The following PLCH2 variants were observed in gnomAD, a reference collection of about 807,000 sequenced individuals.
The protein encoded by PLCH2 is 1-phosphatidylinositol 4,5-bisphosphate phosphodiesterase eta-2.
In PLCH2, 98 loss-of-function variants were observed where a neutral mutation model predicts 134.7. The observed-to-expected ratio is 0.73, with a 90% confidence interval of 0.62 to 0.86. The LOEUF (loss-of-function observed/expected upper bound fraction) is 0.86, where lower values mean the gene tolerates loss of function less well. Ranked by LOEUF, PLCH2 falls within the 40% of genes least tolerant of loss-of-function variation. The pLI is 0.00. For synonymous variants in PLCH2, 974 were observed against 827.5 expected, an observed-to-expected ratio of 1.18 and a Z score of -3.04; for missense variants, 1,994 against 1,986.6, an observed-to-expected ratio of 1.00 and a Z score of -0.07.
intron 2 of PLCH2, among the ~76,000 whole-genome samples, chr1:2,440,187 G>A (rs996468847): frequency 6.6e-6 from 1 of 152,176 alleles, no homozygotes; most frequent in Non-Finnish European, 1.5e-5. Flanking sequence ...TTGGAGTGAG[G>A]CCTGCAGGCC....
At chr1:2,479,482 C>T (rs745934925) in intron 2 of PLCH2, 2 of 445,900 alleles carry the variant, frequency 4.5e-6, no homozygotes, top group Non-Finnish European at 8.2e-6. Flanking sequence ...GAGGTGGATG[C>T]TCTCCCTCGT....
chr1:2,442,484 C>T (rs770996061), intron 2 of PLCH2, among the ~76,000 whole-genome samples: 6 of 152,232 alleles, frequency 3.9e-5, no homozygotes, highest in Non-Finnish European at 2.9e-5. Context: ...CATCTCGGGC[C>T]TCATCTCAGA....
intron 2 of PLCH2, among the ~76,000 whole-genome samples, chr1:2,434,533 G>A (rs571647690): frequency 9.8e-5 from 15 of 152,378 alleles, no homozygotes; most frequent in Non-Finnish European, 1.9e-4. Flanking sequence ...AGGTGCGGGC[G>A]GCACAAGCTC....
chr1:2,416,030 C>G, the PLCH2 span, among the ~76,000 whole-genome samples: 1 of 152,248 alleles, frequency 6.6e-6, no homozygotes, highest in Non-Finnish European at 1.5e-5. Flanking sequence ...TCCCCATCCC[C>G]CCACCAACAC....
Position 2,499,344 on chromosome 1 carries a change from AAG to A in PLCH2, c.2581+118_2581+119del. 4 of 1,263,028 alleles carry A rather than the reference AAG, an allele frequency of 3.2e-6. No homozygotes were observed. The South Asian group carries it at 5.5e-5, about 18-fold the overall frequency. The allele number at this position is 1,263,028 out of a possible 1,614,324, so 78.2% of individuals were successfully genotyped here. A position where few individuals can be genotyped will look rare whatever the true frequency, so the allele number is the denominator to read the frequency against. ...GTAGGTGGGCCTGCACCTGGCACCA[AAG>A]AGACAGGAGCTGAGGACGGGAGGAG... On this transcript the variant is annotated intron_variant, in intron 19 of 21. Coordinates refer to ENST00000378486, the MANE Select transcript of PLCH2 (RefSeq NM_014638.4).
Position 2,444,221 on chromosome 1 carries a change from A to G in PLCH2, c.115+13592A>G, listed in dbSNP as rs1639833685. Among the ~76,000 whole-genome samples the G allele has an allele frequency of 6.6e-6, 1 of 152,016 alleles. No homozygotes were observed. The highest frequency in any genetic ancestry group is 1.5e-5 in the Non-Finnish European group (1 of 67,970). ...GGGATCTGGGGGCCGCCCCTCGGCA[A>G]ACTTTCCTTCCCCGGGCTTCTGCGG... is the stretch of plus-strand genomic sequence containing the variant. On this transcript the variant is annotated intron_variant, in intron 2 of 3. Transcript: ENST00000609981. The surrounding 1 kb of genome is among the most constrained non-coding windows in gnomAD (Gnocchi z 4.6).
intron 2 of PLCH2, among the ~76,000 whole-genome samples, chr1:2,455,953 G>A (rs949823804): frequency 1.3e-5 from 2 of 152,248 alleles, no homozygotes; most frequent in Admixed American, 6.5e-5. Context: ...TTTTTAAAGC[G>A]GCTTTGCAGC....
chr1:2,461,871 C>CCA (rs1553245467), intron 2 of PLCH2, among the ~76,000 whole-genome samples: 1 of 151,828 alleles, frequency 6.6e-6, no homozygotes, highest in Non-Finnish European at 1.5e-5. Flanking sequence ...GACTCATCCC[C>CCA]CCCAGGGCCT....
chr1:2,452,269 T>C (rs2100559951), intron 2 of PLCH2, among the ~76,000 whole-genome samples: 1 of 152,316 alleles, frequency 6.6e-6, no homozygotes, highest in East Asian at 1.9e-4. Flanking sequence ...CAGAAGCCGC[T>C]GAGGCCTGGG....
chr1:2,456,070 A>G (rs1640475957), intron 2 of PLCH2, among the ~76,000 whole-genome samples: 1 of 152,240 alleles, frequency 6.6e-6, no homozygotes, highest in Admixed American at 6.5e-5. Flanking sequence ...GTTTGTAAGG[A>G]AACAGCGTCG....
chr1:2,422,383 C>A (rs1346790907), upstream of PLCH2, among the ~76,000 whole-genome samples: 2 of 152,210 alleles, frequency 1.3e-5, no homozygotes, highest in African/African-American at 4.8e-5. Flanking sequence ...AGAAGAGGGA[C>A]GTGGCTTTGC....
chr1:2,468,512 G>T (rs1641178011), intron 1 of PLCH2, among the ~76,000 whole-genome samples: 1 of 97,078 alleles, frequency 1.0e-5, no homozygotes, highest in South Asian at 3.0e-4. Context: ...CTAGCTCTGG[G>T]CCAGAGGGGC....
At chr1:2,503,499 G>A in intron 21 of PLCH2, 4 of 649,980 alleles carry the variant, frequency 6.2e-6, no homozygotes, top group South Asian at 5.1e-5. Context: ...CCCACTAGAA[G>A]GGTGTCTCCT....
At chr1:2,473,843 T>G (rs1268211532), upstream of PLCH2, among the ~76,000 whole-genome samples, 2 of 152,244 alleles carry the variant, frequency 1.3e-5, no homozygotes, top group African/African-American at 4.8e-5. Flanking sequence ...CGACCAGGAC[T>G]GCCGGCCCTT....
Position 2,448,206 on chromosome 1 carries a change from G to C in PLCH2, c.115+17577G>C, listed in dbSNP as rs2100547159. On this transcript the variant is annotated intron_variant, in intron 2 of 3. Coordinates refer to the PLCH2 transcript ENST00000609981. The surrounding 1 kb of genome is among the most constrained non-coding windows in gnomAD (Gnocchi z 4.0). ...GACATGGAGGGGTGTGTTTCCTGCA[G>C]CTGCTGGGACCGGCTGCCGTGCACT... is the stretch of plus-strand genomic sequence containing the variant. Among the ~76,000 whole-genome samples the C allele has an allele frequency of 6.6e-6, 1 of 152,348 alleles. No individual in the cohort carries two copies.
In PLCH2 at chr1:2,499,592, G is replaced by A. The variant is rs141226937; in HGVS notation, c.2582-49G>A. On this transcript the variant is annotated intron_variant, in intron 19 of 21. Coordinates refer to ENST00000378486, the MANE Select transcript of PLCH2 (RefSeq NM_014638.4). ...AGAATGGGGGGCAGAGCAGGTGGGG[G>A]CCCTGGGAGGCTGTGACCTCATGAC... The A allele has an allele frequency of 2.3e-4, 311 of 1,365,596 alleles. 1 individual carries two copies. The African/African-American group carries it at 3.6e-3, about 16-fold the overall frequency. 84.6% of individuals were successfully genotyped at this position (1,365,596 alleles called of 1,614,324 possible). A position where few individuals can be genotyped will look rare whatever the true frequency, so the allele number is the denominator to read the frequency against.
rs572265132 is a variant in PLCH2, at chr1:2,429,662, A to T, written c.-177-676A>T. On this transcript the variant is annotated intron_variant, in intron 1 of 3. Coordinates refer to the PLCH2 transcript ENST00000609981. ...TGGCAGACATTACCAGGGAGACCAA[A>T]GGGGCCTTGATTCACTGCATGGGCT... Among the ~76,000 whole-genome samples the T allele has an allele frequency of 3.9e-5, 6 of 152,278 alleles. No individual in the cohort carries two copies. In the East Asian group the frequency reaches 1.2e-3, roughly 29 times the overall value.
chr1:2,491,228 A>G lies in PLCH2; in HGVS notation c.1552A>G (p.Lys518Glu). 6.2e-7 allele frequency: 1 copy of G among 1,613,212 alleles called. No individual in the cohort carries two copies. Among genetic ancestry groups the G allele is most frequent in the Non-Finnish European group, 8.5e-7 (1 of 1,179,808 alleles). Reference sequence around the variant, plus strand: ...TCGAAAGCGTGTAGAAAACACTGCTAAGAGGAAACTGGATTCCCTCATCAA... The same window carrying G: ...TCGAAAGCGTGTAGAAAACACTGCTGAGAGGAAACTGGATTCCCTCATCAA... ...TNRKRVENTA[K>E]RKLDSLIKES... is the part of the protein sequence containing the mutation. Residue 518 changes from lysine (K) to glutamate (E), a missense_variant, in exon 11 of 22, where the codon AAG (lysine) becomes GAG (glutamate). By Grantham distance (56) the Lys-to-Glu change is moderately conservative. This residue lies in a region of PLCH2 where 1,094 missense variants were observed against 1,234.3 expected (regional missense o/e 0.89). Transcript: ENST00000378486.
intron 2 of PLCH2, among the ~76,000 whole-genome samples, chr1:2,451,943 C>A (rs573788509): frequency 2.0e-5 from 3 of 152,338 alleles, no homozygotes; most frequent in Admixed American, 2.0e-4. Flanking sequence ...TTCTGAGCCC[C>A]GGGATCTTTG....
Sources: allele counts gnomAD v4.1 joint callset (sites outside exome capture counted in the v4.1 genomes callset), GRCh38; gene constraint gnomAD v4.1.1; regional missense constraint gnomAD v4.1.1; non-coding constraint Gnocchi (gnomAD v3.1); transcripts MANE v1.5; gene names NCBI Gene and HGNC (gene_info 2026-07-23, HGNC 2026-07-21).